Variants in CDH4 observed in about 807,000 individuals in gnomAD.
CDH4 encodes the protein cadherin 4.
Under a neutral mutation model 86.0 loss-of-function variants are expected in CDH4, and 33 were observed. The observed-to-expected ratio is 0.38, with a 90% CI of 0.29 to 0.51. The LOEUF is 0.51. CDH4 is among the 20% of genes least tolerant of loss of function. The pLI, the probability that CDH4 is intolerant of heterozygous loss-of-function variation, is 0.86. For synonymous variants in CDH4, 555 were observed against 549.4 expected, an observed-to-expected ratio of 1.01 and a Z score of -0.14; for missense variants, 1,114 against 1,307.4, an observed-to-expected ratio of 0.85 and a Z score of 2.28.
At chr20:61,493,244 G>T (rs2085638069) in intron 2 of CDH4, among the ~76,000 whole-genome samples, 1 of 152,176 alleles carries the variant, frequency 6.6e-6, no homozygotes, top group Non-Finnish European at 1.5e-5. Context: ...GAGTTCCATT[G>T]TCTGTGAAGT....
At position 61,517,998 on chromosome 20, in the gene CDH4, G is replaced by T. The variant is rs1009212525; in HGVS notation, c.170-225565G>T. On this transcript the variant is annotated intron_variant, in intron 2 of 15. Coordinates refer to ENST00000614565, the MANE Select transcript of CDH4 (RefSeq NM_001794.5). This position sits in a 1 kb window ranked among gnomAD's most constrained non-coding sequence, Gnocchi z 6.6. ...TGTGGGGCTGGGGCAGGAGCTGCCTGCCTCCCCGTGCGGGGAGGATGCCTC... is the reference window on the plus strand; with the variant it reads ...TGTGGGGCTGGGGCAGGAGCTGCCTTCCTCCCCGTGCGGGGAGGATGCCTC... Among the ~76,000 whole-genome samples, 3 of 146,828 alleles carry T rather than the reference G, an allele frequency of 2.0e-5. No homozygotes were observed. Among genetic ancestry groups the T allele is most frequent in the Admixed American group, 2.0e-4 (3 of 15,112 alleles).
chr20:61,666,872 G>C (rs953929138), intron 2 of CDH4, among the ~76,000 whole-genome samples: 1 of 152,236 alleles, frequency 6.6e-6, no homozygotes, highest in Non-Finnish European at 1.5e-5. Flanking sequence ...CCCAGCTTCC[G>C]CTTCCCCTGG....
intron 2 of CDH4, among the ~76,000 whole-genome samples, chr20:61,409,898 G>A (rs1194172490): frequency 6.6e-6 from 1 of 152,274 alleles, no homozygotes; most frequent in Non-Finnish European, 1.5e-5. Context: ...TGTGTTAAGA[G>A]ATTGATCACC....
At chr20:61,911,950 C>T (rs1214729088) in intron 9 of CDH4, among the ~76,000 whole-genome samples, 2 of 152,144 alleles carry the variant, frequency 1.3e-5, no homozygotes, top group Non-Finnish European at 2.9e-5. Flanking sequence ...TATTCTCTCA[C>T]GTGAGAGGAG....
At chr20:61,712,562 C>G (rs971943806) in intron 2 of CDH4, among the ~76,000 whole-genome samples, 1 of 152,200 alleles carries the variant, frequency 6.6e-6, no homozygotes, top group Non-Finnish European at 1.5e-5. Flanking sequence ...CTCCTCCCCT[C>G]CTTTCTTCCT....
chr20:61,444,090 GTGTGATTCTGTGTGTGAT>G (rs2085329386), intron 2 of CDH4, among the ~76,000 whole-genome samples: 1 of 150,992 alleles, frequency 6.6e-6, no homozygotes, highest in African/African-American at 2.4e-5. Context: ...GTATCTGTCT[GTGTGATTCTGTGTGTGAT>G]TGTGTGTATC....
At chr20:61,491,373 T>C (rs1409864893) in intron 2 of CDH4, among the ~76,000 whole-genome samples, 3 of 152,134 alleles carry the variant, frequency 2.0e-5, no homozygotes, top group African/African-American at 7.2e-5. Flanking sequence ...GCCCCGAGCA[T>C]TTGCAGGACA....
rs542464953 is a variant in CDH4, at chr20:61,453,880, G to A, written c.169+198943G>A. 7.2e-5 allele frequency among the ~76,000 whole-genome samples: 11 copies of A among 152,210 alleles called. No individual in the cohort carries two copies. The South Asian group carries it at 1.2e-3, about 17-fold the overall frequency. On this transcript the variant is annotated intron_variant, in intron 2 of 15. Transcript: ENST00000614565. ...TCATGCTGTTCTCCTGATAGTGAGC[G>A]AGTTCTCACAAGATCTGAGGGTTTT...
chr20:61,262,792 C>T (rs2084134791), intron 2 of CDH4, among the ~76,000 whole-genome samples: 1 of 149,788 alleles, frequency 6.7e-6, no homozygotes, highest in Admixed American at 6.7e-5. Flanking sequence ...TCTCCTCCCT[C>T]CCTCCTTCCC....
intron 3 of CDH4, among the ~76,000 whole-genome samples, chr20:61,767,649 C>T (rs2088716346): frequency 6.6e-6 from 1 of 152,156 alleles, no homozygotes; most frequent in African/African-American, 2.4e-5. Flanking sequence ...GTCCTATAGG[C>T]AGGGCTTTGA....
At chr20:61,636,672 C>T (rs929570933) in intron 2 of CDH4, among the ~76,000 whole-genome samples, 2 of 152,194 alleles carry the variant, frequency 1.3e-5, no homozygotes, top group South Asian at 2.1e-4. Flanking sequence ...CAAGGCTGCC[C>T]GTCCCACCTG....
chr20:61,431,848 G>A (rs77105450), intron 2 of CDH4, among the ~76,000 whole-genome samples: 4,336 of 152,134 alleles, frequency 0.029, 97 homozygotes, highest in Non-Finnish European at 0.043. Context: ...CCATCATTAA[G>A]ACCAGCTGGC....
At chr20:61,312,666 G>A in intron 2 of CDH4, among the ~76,000 whole-genome samples, 1 of 152,134 alleles carries the variant, frequency 6.6e-6, no homozygotes, top group Non-Finnish European at 1.5e-5. Context: ...CTGATGGCTT[G>A]GCCAGCGTTC....
chr20:61,755,463 CACACACACCAT>C lies in CDH4; in HGVS notation c.396+11682_396+11692del, dbSNP rs58844044. Among the ~76,000 whole-genome samples the C allele has an allele frequency of 8.4e-3, 1,247 of 147,622 alleles. 33 individuals are homozygous for C. The highest frequency in any genetic ancestry group is 0.061 in the East Asian group (295 of 4,854). ...ACACACACACACCCCGTACACACCA[CACACACACCAT>C]ACACACAGTGCACATCACACACCAC... On this transcript the variant is annotated intron_variant, in intron 3 of 15. Transcript: ENST00000614565.
chr20:61,938,474 C>T lies in CDH4; in HGVS notation c.*1531C>T, dbSNP rs1295250465. The T allele has an allele frequency of 2.0e-5, 3 of 152,516 alleles. No homozygotes were observed. The highest frequency in any genetic ancestry group is 7.2e-5 in the African/African-American group (3 of 41,484). The allele number at this position is 152,516 out of a possible 1,614,324, so 9.4% of individuals were successfully genotyped here. A position where few individuals can be genotyped will look rare whatever the true frequency, so the allele number is the denominator to read the frequency against. On this transcript the variant is annotated 3_prime_UTR_variant, in exon 16 of 16. Transcript: ENST00000614565. ...GCCTCGTGCTTGGTCAGCTTTCTGT[C>T]TCTCCCAGGCCAGTGACAACTGGCT... is the stretch of plus-strand genomic sequence containing the variant.
intron 3 of CDH4, 140 bp downstream of exon 3, chr20:61,743,929 A>C (rs1217605263): frequency 4.3e-6 from 3 of 694,928 alleles, no homozygotes; most frequent in Non-Finnish European, 7.4e-6. Context: ...GGCCATTGCC[A>C]ACCAAGCACC....
chr20:61,833,770 C>G (rs1274687416), intron 4 of CDH4, among the ~76,000 whole-genome samples: 1 of 151,916 alleles, frequency 6.6e-6, no homozygotes, highest in Admixed American at 6.6e-5. Context: ...ATTACAGACA[C>G]TGCAGATCCT....
chr20:61,544,908 G>A lies in CDH4; in HGVS notation c.170-198655G>A, dbSNP rs2086066641. ...TGGAACTTGGTACATACAGGTGCTA[G>A]GTACAATCAAATGTATGTGATAAGT... On this transcript the variant is annotated intron_variant, in intron 2 of 15. Coordinates refer to ENST00000614565, the MANE Select transcript of CDH4 (RefSeq NM_001794.5). This position sits in a 1 kb window ranked among gnomAD's most constrained non-coding sequence, Gnocchi z 6.5. Among the ~76,000 whole-genome samples, 2 of 152,150 alleles carry A rather than the reference G, an allele frequency of 1.3e-5. No homozygotes were observed. Among genetic ancestry groups the A allele is most frequent in the African/African-American group, 4.8e-5 (2 of 41,414 alleles).
At chr20:61,894,842 A>T in intron 7 of CDH4, 68 bp from the exon 8 acceptor site, 1 of 1,516,854 alleles carries the variant, frequency 6.6e-7, no homozygotes, top group Non-Finnish European at 8.9e-7. Flanking sequence ...ATTTCTTTTG[A>T]TAAGTGCCCT....
Sources: allele counts gnomAD v4.1 joint callset (sites outside exome capture counted in the v4.1 genomes callset), GRCh38; gene constraint gnomAD v4.1.1; non-coding constraint Gnocchi (gnomAD v3.1); transcripts MANE v1.5; gene names NCBI Gene and HGNC (gene_info 2026-07-23, HGNC 2026-07-21).